UBE2V2: variants seen among roughly 807,000 people sequenced by gnomAD.
UBE2V2 encodes the protein ubiquitin-conjugating enzyme E2 variant 2.
A neutral mutation model predicts 17.2 loss-of-function variants in UBE2V2; 9 were observed. That is an observed-to-expected ratio of 0.52 (90% CI 0.32 to 0.91). UBE2V2 has a LOEUF of 0.91. UBE2V2 is among the 40% of genes least tolerant of loss of function. The pLI is 0.04. For missense variants in UBE2V2, 133 were observed against 182.6 expected, an observed-to-expected ratio of 0.73 and a Z score of 1.56; for synonymous variants, 61 against 57.5, an observed-to-expected ratio of 1.06 and a Z score of -0.28.
At chr8:48,017,517 G>A (rs912653946) in intron 1 of UBE2V2, among the ~76,000 whole-genome samples, 4 of 151,960 alleles carry the variant, frequency 2.6e-5, no homozygotes, top group African/African-American at 7.3e-5. Flanking sequence ...GGGATTACAG[G>A]CATGTGCCAC....
chr8:48,027,303 A>C (rs1589855049), intron 1 of UBE2V2, among the ~76,000 whole-genome samples: 1 of 152,078 alleles, frequency 6.6e-6, no homozygotes, highest in African/African-American at 2.4e-5. Context: ...GCCCGGGCCC[A>C]AAAGGAGACC....
intron 1 of UBE2V2, among the ~76,000 whole-genome samples, chr8:48,039,953 C>T (rs1207423961): frequency 6.6e-6 from 1 of 151,972 alleles, no homozygotes; most frequent in Non-Finnish European, 1.5e-5. Context: ...TGGTTTCCAA[C>T]TCCTGGGCTC....
chr8:48,060,152 G>T (rs1313040976), intron 3 of UBE2V2, among the ~76,000 whole-genome samples: 1 of 143,584 alleles, frequency 7.0e-6, no homozygotes, highest in Non-Finnish European at 1.5e-5. Flanking sequence ...GGAAGTTGCA[G>T]TGAGCCAGGA....
At chr8:48,034,034 C>T (rs998828036) in intron 1 of UBE2V2, among the ~76,000 whole-genome samples, 4 of 152,080 alleles carry the variant, frequency 2.6e-5, no homozygotes, top group African/African-American at 9.7e-5. Flanking sequence ...TACTTTGTAT[C>T]CCTTGGTCTA....
chr8:48,029,909 C>T (rs981267348), intron 1 of UBE2V2, among the ~76,000 whole-genome samples: 16 of 152,232 alleles, frequency 1.1e-4, no homozygotes, highest in African/African-American at 3.4e-4. Context: ...TAATAGTCTC[C>T]GTTAGAAGAC....
intron 1 of UBE2V2, among the ~76,000 whole-genome samples, chr8:48,023,714 A>G (rs2091320554): frequency 6.6e-6 from 1 of 151,988 alleles, no homozygotes; most frequent in Admixed American, 6.6e-5. Context: ...TCTATTAAAA[A>G]TGCAAAAAAA....
chr8:48,015,924 G>A (rs1255211807), intron 1 of UBE2V2, among the ~76,000 whole-genome samples: 2 of 142,236 alleles, frequency 1.4e-5, no homozygotes, highest in Non-Finnish European at 3.0e-5. Context: ...TTGAGACGGA[G>A]TCTCACTCTG....
At chr8:48,057,850 G>C (rs757634685) in intron 3 of UBE2V2, among the ~76,000 whole-genome samples, 1 of 152,098 alleles carries the variant, frequency 6.6e-6, no homozygotes, top group Non-Finnish European at 1.5e-5. Context: ...TGATGAACTT[G>C]TTTATTAGCT....
At chr8:48,030,054 T>C (rs146492807) in intron 1 of UBE2V2, among the ~76,000 whole-genome samples, 41 of 152,344 alleles carry the variant, frequency 2.7e-4, no homozygotes, top group African/African-American at 8.7e-4. Context: ...TTGATAGTTC[T>C]GCAATAAACA....
intron 1 of UBE2V2, among the ~76,000 whole-genome samples, chr8:48,033,769 G>A (rs537531180): frequency 1.7e-3 from 255 of 151,904 alleles, no homozygotes; most frequent in Non-Finnish European, 2.8e-3. Flanking sequence ...ACTAGCCTGG[G>A]CAACATGGCA....
At chr8:48,032,361 A>AT (rs951328475) in intron 1 of UBE2V2, among the ~76,000 whole-genome samples, 17 of 151,968 alleles carry the variant, frequency 1.1e-4, no homozygotes, top group African/African-American at 1.4e-4. Context: ...TTACCTTCTG[A>AT]TTTTTTTTGG....
Position 48,064,488 on chromosome 8 carries a change from G to A in UBE2V2, c.*3660G>A, listed in dbSNP as rs1802634892. 6.6e-6 allele frequency: 1 copy of A among 152,148 alleles called. No individual in the cohort carries two copies. Among genetic ancestry groups the A allele is most frequent in the Admixed American group, 6.6e-5 (1 of 15,254 alleles). 9.4% of individuals were successfully genotyped at this position (152,148 alleles called of 1,614,324 possible). A position where few individuals can be genotyped will look rare whatever the true frequency, so the allele number is the denominator to read the frequency against. On this transcript the variant is annotated 3_prime_UTR_variant, in exon 4 of 4. Transcript: ENST00000523111. ...TTACTGTAAAATAGGAAATGCATAG[G>A]AAGGAATACCTCCTAAATAATATGC...
chr8:48,006,873 TTTTTTA>T (rs2091186561), upstream of UBE2V2, among the ~76,000 whole-genome samples: 1 of 151,928 alleles, frequency 6.6e-6, no homozygotes, highest in Non-Finnish European at 1.5e-5. Flanking sequence ...ATTCTTTTTA[TTTTTTA>T]TTTTTTTTTA....
intron 3 of UBE2V2, among the ~76,000 whole-genome samples, chr8:48,054,295 G>T (rs749980802): frequency 6.6e-6 from 1 of 152,082 alleles, no homozygotes; most frequent in Non-Finnish European, 1.5e-5. Flanking sequence ...GTGCCGTGGC[G>T]TGGGGCTTTC....
chr8:48,013,209 TTTA>T (rs1240141835), intron 1 of UBE2V2, among the ~76,000 whole-genome samples: 1 of 152,138 alleles, frequency 6.6e-6, no homozygotes, highest in East Asian at 1.9e-4. Context: ...TATTGACACA[TTTA>T]TTATTAACTA....
chr8:48,052,820 T>G (rs148766102), intron 3 of UBE2V2, among the ~76,000 whole-genome samples: 233 of 152,366 alleles, frequency 1.5e-3, no homozygotes, highest in Middle Eastern at 0.01. Context: ...TGCCTTTCGT[T>G]TGGTCTCAAG....
the UBE2V2 span, among the ~76,000 whole-genome samples, chr8:48,000,821 CAA>C: frequency 2.9e-4 from 6 of 20,528 alleles, no homozygotes; most frequent in African/African-American, 6.3e-4. Context: ...GACTTTGCCT[CAA>C]AAAAAAAAAA....
At chr8:48,040,256 T>C (rs2091452712) in intron 1 of UBE2V2, among the ~76,000 whole-genome samples, 1 of 152,140 alleles carries the variant, frequency 6.6e-6, no homozygotes, top group African/African-American at 2.4e-5. Context: ...AGATACTGTC[T>C]CTTCACCCCT....
intron 3 of UBE2V2, 69 bp from the exon 4 acceptor site, chr8:48,060,613 A>G: frequency 1.5e-6 from 2 of 1,317,418 alleles, no homozygotes; most frequent in Non-Finnish European, 2.0e-6. Flanking sequence ...TTATTAAAAT[A>G]TGCTTAACAA....
Sources: allele counts gnomAD v4.1 joint callset (sites outside exome capture counted in the v4.1 genomes callset), GRCh38; gene constraint gnomAD v4.1.1; transcripts MANE v1.5; gene names NCBI Gene and HGNC (gene_info 2026-07-23, HGNC 2026-07-21).